PALM2AKAP2: variants seen among roughly 807,000 people sequenced by gnomAD.
PALM2AKAP2 encodes the protein PALM2 and AKAP2 fusion, also known as PALM2-AKAP2 fusion protein.
PALM2AKAP2 carries 37 observed loss-of-function variants against 71.5 expected under a neutral mutation model. That is an observed-to-expected ratio of 0.52 (90% CI 0.40 to 0.68). The LOEUF (loss-of-function observed/expected upper bound fraction) is 0.68, where lower values mean the gene tolerates loss of function less well. Among genes scored for constraint, PALM2AKAP2 ranks in the 30% least tolerant of loss-of-function variants. The probability of loss-of-function intolerance (pLI) is 0.00; values close to 1 mark genes in which losing one functional copy is unlikely to be tolerated. For missense variants in PALM2AKAP2, 1,224 were observed against 1,191.8 expected (o/e 1.03, Z -0.40); for synonymous variants, 468 against 478.8 (o/e 0.98, Z 0.29).
chr9:110,126,359 A>G (rs1021611107), intron 1 of PALM2AKAP2, among the ~76,000 whole-genome samples: 3 of 152,224 alleles, frequency 2.0e-5, no homozygotes, highest in Non-Finnish European at 4.4e-5. Context: ...TTAAACCAAG[A>G]GGGACACAGC....
chr9:109,707,732 G>A (rs1297768831), intron 1 of PALM2AKAP2, among the ~76,000 whole-genome samples: 1 of 152,088 alleles, frequency 6.6e-6, no homozygotes, highest in Non-Finnish European at 1.5e-5. Flanking sequence ...TTCTCTGCTT[G>A]CTCCTAAGAA....
Position 109,942,704 on chromosome 9 carries a change from T to C in PALM2AKAP2, c.496+10676T>C, listed in dbSNP as rs1489914055. 5 of 1,591,036 alleles carry C rather than the reference T, an allele frequency of 3.1e-6. No individual in the cohort carries two copies. In the East Asian group the frequency reaches 6.7e-5, roughly 21 times the overall value. ...ATTCAAGCTGTGTACGCCATGGAAATTAATGTGGAGAAAGACAAACAAACA... is the reference window on the plus strand; with the variant it reads ...ATTCAAGCTGTGTACGCCATGGAAACTAATGTGGAGAAAGACAAACAAACA... On this transcript the variant is annotated intron_variant, in intron 6 of 9. Transcript: ENST00000302798.
chr9:109,986,887 T>C (rs925097064), intron 6 of PALM2AKAP2, among the ~76,000 whole-genome samples: 1 of 152,228 alleles, frequency 6.6e-6, no homozygotes, highest in Non-Finnish European at 1.5e-5. Flanking sequence ...AATAGACATT[T>C]CTCTGCCATT....
At chr9:109,772,178 C>T (rs1475647377) in intron 1 of PALM2AKAP2, 2 of 152,310 alleles carry the variant, frequency 1.3e-5, no homozygotes, top group African/African-American at 4.8e-5. Context: ...TTCTCAAAAG[C>T]GAAGGGCGCA....
At chr9:109,952,579 C>G (rs948994951) in intron 6 of PALM2AKAP2, among the ~76,000 whole-genome samples, 1 of 152,200 alleles carries the variant, frequency 6.6e-6, no homozygotes, top group African/African-American at 2.4e-5. Flanking sequence ...GGAGGAAATG[C>G]AAGAACATCT....
intron 3 of PALM2AKAP2, among the ~76,000 whole-genome samples, chr9:109,883,717 T>C (rs901597973): frequency 2.6e-5 from 4 of 152,216 alleles, no homozygotes; most frequent in African/African-American, 9.7e-5. Flanking sequence ...GACATTTGAA[T>C]AGTTCTAAAG....
chr9:110,058,618 C>A (rs1833895714), intron 1 of PALM2AKAP2, among the ~76,000 whole-genome samples: 1 of 152,138 alleles, frequency 6.6e-6, no homozygotes. Context: ...ATCTTTTCCT[C>A]CCTGCCTGCG....
chr9:109,752,506 A>G (rs543746124), intron 1 of PALM2AKAP2, among the ~76,000 whole-genome samples: 413 of 152,230 alleles, frequency 2.7e-3, no homozygotes, highest in Middle Eastern at 6.8e-3. Context: ...TGAAGAAAAC[A>G]TTTCAGGTAG....
chr9:109,982,691 C>T (rs568123502), intron 6 of PALM2AKAP2, among the ~76,000 whole-genome samples: 2 of 152,294 alleles, frequency 1.3e-5, no homozygotes, highest in East Asian at 3.9e-4. Context: ...AGTGCATGTT[C>T]ATAGTCCACT....
chr9:110,086,536 G>A (rs958277317), intron 1 of PALM2AKAP2, among the ~76,000 whole-genome samples: 2 of 152,160 alleles, frequency 1.3e-5, no homozygotes, highest in African/African-American at 4.8e-5. Context: ...TCTTGCTGGG[G>A]CTCCACTGAT....
chr9:110,126,632 C>T (rs1044944079), intron 1 of PALM2AKAP2, among the ~76,000 whole-genome samples: 6 of 152,292 alleles, frequency 3.9e-5, no homozygotes, highest in Admixed American at 6.5e-5. Context: ...ACGGGAAACC[C>T]GGAAGCCTCT....
chr9:109,676,956 A>G (rs1028943829), intron 1 of PALM2AKAP2, among the ~76,000 whole-genome samples: 1 of 152,124 alleles, frequency 6.6e-6, no homozygotes, highest in Non-Finnish European at 1.5e-5. Flanking sequence ...TTTGGCAAAA[A>G]CATTTCAGAG....
intron 6 of PALM2AKAP2, among the ~76,000 whole-genome samples, chr9:109,990,480 A>G (rs1221819410): frequency 6.6e-6 from 1 of 152,222 alleles, no homozygotes; most frequent in Admixed American, 6.5e-5. Flanking sequence ...TAGTGTCGTC[A>G]AAGCTCTTTC....
intron 1 of PALM2AKAP2, among the ~76,000 whole-genome samples, chr9:110,110,223 CAG>C (rs1239613218): frequency 6.6e-6 from 1 of 152,120 alleles, no homozygotes; most frequent in African/African-American, 2.4e-5. Context: ...TTTTCTTAAT[CAG>C]AATAAATAAA....
At chr9:110,143,106 G>A (rs937109334) in intron 2 of PALM2AKAP2, among the ~76,000 whole-genome samples, 6 of 152,106 alleles carry the variant, frequency 3.9e-5, no homozygotes, top group African/African-American at 1.4e-4. Flanking sequence ...GCCCTCTGCT[G>A]ATGGCACTTA....
At chr9:110,111,886 T>C (rs1292588011) in intron 1 of PALM2AKAP2, among the ~76,000 whole-genome samples, 1 of 152,128 alleles carries the variant, frequency 6.6e-6, no homozygotes, top group African/African-American at 2.4e-5. Context: ...TCCTGCAGCA[T>C]TGAAGCCCCC....
At chr9:109,958,500 C>T (rs551687098) in intron 6 of PALM2AKAP2, among the ~76,000 whole-genome samples, 1 of 152,062 alleles carries the variant, frequency 6.6e-6, no homozygotes, top group South Asian at 2.1e-4. Context: ...TAAAATGAGA[C>T]AACGTGATTG....
At chr9:110,088,697 T>A (rs1186184819) in intron 1 of PALM2AKAP2, among the ~76,000 whole-genome samples, 1 of 140,996 alleles carries the variant, frequency 7.1e-6, no homozygotes, top group Non-Finnish European at 1.5e-5. Flanking sequence ...AAGTTTGCAT[T>A]TACGTGTTTT....
At chr9:109,706,622 C>G (rs1221388982) in intron 1 of PALM2AKAP2, among the ~76,000 whole-genome samples, 2 of 152,178 alleles carry the variant, frequency 1.3e-5, no homozygotes, top group Non-Finnish European at 2.9e-5. Flanking sequence ...TTCATAGCAG[C>G]ATTATCCATA....
Sources: allele counts gnomAD v4.1 joint callset (sites outside exome capture counted in the v4.1 genomes callset), GRCh38; gene constraint gnomAD v4.1.1; transcripts MANE v1.5; gene names NCBI Gene and HGNC (gene_info 2026-07-23, HGNC 2026-07-21).